PRKG1: variants seen among roughly 807,000 people sequenced by gnomAD.
PRKG1 encodes protein kinase cGMP-dependent 1.
PRKG1 carries 35 observed loss-of-function variants against 88.1 expected under a neutral mutation model. The ratio of observed to expected loss-of-function variants is 0.40; its 90% CI spans 0.30 to 0.53. PRKG1 has a LOEUF of 0.53. Among genes scored for constraint, PRKG1 ranks in the 20% least tolerant of loss-of-function variants. The pLI, the probability that PRKG1 is intolerant of heterozygous loss-of-function variation, is 0.59. For synonymous variants in PRKG1, 303 were observed against 292.5 expected (o/e 1.04, Z -0.37); for missense variants, 540 against 839.8 (o/e 0.64, Z 4.41).
chr10:51,698,717 C>A (rs1263108363), intron 3 of PRKG1: 2 of 1,614,208 alleles, frequency 1.2e-6, no homozygotes, highest in Admixed American at 1.7e-5. Flanking sequence ...AGTTAAGGAA[C>A]CAGGACCAGC....
chr10:51,025,594 C>T (rs1843194243), intron 1 of PRKG1, among the ~76,000 whole-genome samples: 1 of 152,166 alleles, frequency 6.6e-6, no homozygotes, highest in South Asian at 2.1e-4. Flanking sequence ...GTGTCCCTTT[C>T]CCCTCAAAGT....
At chr10:51,033,990 G>GCC (rs1337200065) in intron 1 of PRKG1, among the ~76,000 whole-genome samples, 2 of 152,040 alleles carry the variant, frequency 1.3e-5, no homozygotes, top group Admixed American at 6.6e-5. Context: ...GCCACAGCAT[G>GCC]CCTCACACCA....
chr10:52,155,039 G>T (rs1838054253), intron 8 of PRKG1, among the ~76,000 whole-genome samples: 1 of 152,076 alleles, frequency 6.6e-6, no homozygotes. Context: ...CCACTCATTG[G>T]CTGATGGACG....
At chr10:51,031,679 G>A (rs1843286097) in intron 1 of PRKG1, among the ~76,000 whole-genome samples, 1 of 152,126 alleles carries the variant, frequency 6.6e-6, no homozygotes, top group African/African-American at 2.4e-5. Context: ...ATAGAATTAA[G>A]GCTCAGAGAA....
At chr10:51,379,646 T>G (rs1301456476) in intron 2 of PRKG1, among the ~76,000 whole-genome samples, 1 of 152,222 alleles carries the variant, frequency 6.6e-6, no homozygotes, top group Non-Finnish European at 1.5e-5. Context: ...AACTTCACAT[T>G]TTACACAAGA....
chr10:51,372,079 CAT>C (rs1374398365), intron 2 of PRKG1, among the ~76,000 whole-genome samples: 4 of 152,064 alleles, frequency 2.6e-5, no homozygotes, highest in African/African-American at 9.7e-5. Context: ...TAATAAAAAA[CAT>C]ATGGATAACT....
chr10:51,837,346 T>A (rs556372896), intron 4 of PRKG1, among the ~76,000 whole-genome samples: 1 of 152,174 alleles, frequency 6.6e-6, no homozygotes, highest in Non-Finnish European at 1.5e-5. Flanking sequence ...GCATACTTTA[T>A]TGGGCATTGA....
intron 4 of PRKG1, among the ~76,000 whole-genome samples, chr10:51,877,558 T>C (rs957831066): frequency 6.6e-6 from 1 of 152,208 alleles, no homozygotes; most frequent in Non-Finnish European, 1.5e-5. Context: ...CCAAGTAAAA[T>C]ATGCATTTTT....
chr10:51,790,549 G>A (rs1472512652), intron 3 of PRKG1, among the ~76,000 whole-genome samples: 3 of 152,096 alleles, frequency 2.0e-5, no homozygotes, highest in African/African-American at 7.2e-5. Flanking sequence ...TGCTTAAACA[G>A]GACAAACTCC....
At chr10:51,675,493 C>G (rs955777790) in intron 3 of PRKG1, among the ~76,000 whole-genome samples, 1 of 152,112 alleles carries the variant, frequency 6.6e-6, no homozygotes, top group Non-Finnish European at 1.5e-5. Flanking sequence ...ATAAGATTCC[C>G]TTTCAGGGTA....
At chr10:52,282,030 A>G (rs1309261470) in intron 13 of PRKG1, 123 bp from the exon 14 acceptor site, 1 of 1,051,804 alleles carries the variant, frequency 9.5e-7, no homozygotes, top group Non-Finnish European at 1.3e-6. Flanking sequence ...TTTTTGGAAG[A>G]CAGAACTATA....
intron 5 of PRKG1, among the ~76,000 whole-genome samples, chr10:51,915,994 C>T (rs1842330649): frequency 2.6e-5 from 4 of 152,150 alleles, no homozygotes; most frequent in African/African-American, 4.8e-5. Context: ...AACCTTTACA[C>T]ATAGCTGGTG....
chr10:51,952,066 A>G (rs1237587838), intron 5 of PRKG1, among the ~76,000 whole-genome samples: 1 of 152,198 alleles, frequency 6.6e-6, no homozygotes, highest in Non-Finnish European at 1.5e-5. Context: ...TTTACAACAG[A>G]AACTGGCCTA....
chr10:52,016,033 T>C (rs1405374794), intron 5 of PRKG1, among the ~76,000 whole-genome samples: 1 of 152,240 alleles, frequency 6.6e-6, no homozygotes, highest in African/African-American at 2.4e-5. Context: ...TTCATCTTCT[T>C]GTCTTCTGAG....
intron 5 of PRKG1, among the ~76,000 whole-genome samples, chr10:51,921,204 A>G (rs1422189569): frequency 6.6e-6 from 1 of 152,086 alleles, no homozygotes; most frequent in Admixed American, 6.6e-5. Flanking sequence ...TTTAATTTCA[A>G]ATTTCAATTA....
chr10:51,639,428 C>T (rs1427427422), intron 3 of PRKG1, among the ~76,000 whole-genome samples: 28 of 95,316 alleles, frequency 2.9e-4, no homozygotes, highest in African/African-American at 1.2e-3. Flanking sequence ...CAGAGCCAGA[C>T]TCCATCTCAA....
intron 1 of PRKG1, among the ~76,000 whole-genome samples, chr10:51,046,840 G>A (rs1211611312): frequency 6.6e-6 from 1 of 152,170 alleles, no homozygotes; most frequent in African/African-American, 2.4e-5. Flanking sequence ...ATACTGTCGG[G>A]TGATTCATGC....
intron 1 of PRKG1, among the ~76,000 whole-genome samples, chr10:51,099,384 GACAC>G (rs71459403): frequency 2.6e-3 from 383 of 148,898 alleles, no homozygotes; most frequent in Non-Finnish European, 2.6e-3. Flanking sequence ...CAGCATTCAA[GACAC>G]ACACACACAC....
intron 3 of PRKG1, among the ~76,000 whole-genome samples, chr10:51,777,932 G>A (rs1234109597): frequency 6.6e-6 from 1 of 151,944 alleles, no homozygotes; most frequent in African/African-American, 2.4e-5. Flanking sequence ...TCTTTTCATG[G>A]CATGATAGCT....
Sources: allele counts gnomAD v4.1 joint callset (sites outside exome capture counted in the v4.1 genomes callset), GRCh38; gene constraint gnomAD v4.1.1; transcripts MANE v1.5; gene names NCBI Gene and HGNC (gene_info 2026-07-23, HGNC 2026-07-21).